Variants in CD247 observed in about 807,000 individuals in gnomAD.
The protein encoded by CD247 is T-cell surface glycoprotein CD3 zeta chain.
In CD247, 13 loss-of-function variants were observed where a neutral mutation model predicts 30.0. That is an observed-to-expected ratio of 0.43 (90% CI 0.28 to 0.69). The LOEUF (loss-of-function observed/expected upper bound fraction) is 0.69. Among genes scored for constraint, CD247 ranks in the 30% least tolerant of loss-of-function variants. The probability of loss-of-function intolerance (pLI) is 0.16; values close to 1 mark genes in which losing one functional copy is unlikely to be tolerated. For synonymous variants in CD247, 72 were observed against 80.0 expected (o/e 0.90, Z 0.53); for missense variants, 193 against 212.6 (o/e 0.91, Z 0.57).
At chr1:167,482,366 G>C (rs997031783) in intron 1 of CD247, among the ~76,000 whole-genome samples, 1 of 152,240 alleles carries the variant, frequency 6.6e-6, no homozygotes, top group Non-Finnish European at 1.5e-5. Context: ...CAGCCAAGAG[G>C]CTGCTTGAGA....
chr1:167,482,958 A>T (rs1049221311), intron 1 of CD247, among the ~76,000 whole-genome samples: 6 of 146,498 alleles, frequency 4.1e-5, no homozygotes, highest in Non-Finnish European at 6.0e-5. Flanking sequence ...TGATCCAGTA[A>T]CCACACAAAC....
chr1:167,431,858 C>T (rs1322462951), intron 7 of CD247, 112 bp from the exon 8 acceptor site: 1 of 909,284 alleles, frequency 1.1e-6, no homozygotes, highest in African/African-American at 1.6e-5. Flanking sequence ...ACCACCCACC[C>T]AGCCTCCAGA....
intron 6 of CD247, among the ~76,000 whole-genome samples, 179 bp downstream of exon 6, chr1:167,433,841 T>C (rs1651396365): frequency 6.6e-6 from 1 of 152,158 alleles, no homozygotes; most frequent in Admixed American, 6.5e-5. Context: ...CATCAGCCCT[T>C]CCTTAGTTTC....
At chr1:167,455,332 A>G (rs1444220088) in intron 1 of CD247, among the ~76,000 whole-genome samples, 1 of 152,180 alleles carries the variant, frequency 6.6e-6, no homozygotes, top group Non-Finnish European at 1.5e-5. Flanking sequence ...CGCCGGGTGC[A>G]CTGCGGGCTG....
chr1:167,445,642 A>C (rs1172503710), intron 1 of CD247, among the ~76,000 whole-genome samples: 2 of 152,110 alleles, frequency 1.3e-5, no homozygotes, highest in African/African-American at 4.8e-5. Flanking sequence ...AGACGCACCT[A>C]TCCTTACAGA....
rs1033227771 is a variant in CD247, at chr1:167,431,284, C to G, written c.*397G>C. On this transcript the variant is annotated 3_prime_UTR_variant, in exon 8 of 8. Coordinates refer to ENST00000362089, the MANE Select transcript of CD247 (RefSeq NM_198053.3). ...AATTTACAGCAGGAGTGAAGCCACT[C>G]AGACACAGAGTGATACAGACATTAG... 7.3e-5 allele frequency: 39 copies of G among 533,520 alleles called. No individual in the cohort carries two copies. In the East Asian group the frequency reaches 1.1e-3, roughly 15 times the overall value. The allele number at this position is 533,520 out of a possible 1,614,324, so 33.0% of individuals were successfully genotyped here.
At chr1:167,463,100 T>C (rs2102033947) in intron 1 of CD247, among the ~76,000 whole-genome samples, 1 of 152,286 alleles carries the variant, frequency 6.6e-6, no homozygotes, top group South Asian at 2.1e-4. Flanking sequence ...CCAGGAACCC[T>C]TCCTGGGTTC....
intron 1 of CD247, among the ~76,000 whole-genome samples, chr1:167,500,517 A>G (rs943043469): frequency 6.6e-6 from 1 of 152,210 alleles, no homozygotes; most frequent in Non-Finnish European, 1.5e-5. Flanking sequence ...TGTGTTGTTT[A>G]TTAGCTTTTA....
At chr1:167,431,942 G>T (rs1651291198) in intron 7 of CD247, among the ~76,000 whole-genome samples, 196 bp from the exon 8 acceptor site, 1 of 152,194 alleles carries the variant, frequency 6.6e-6, no homozygotes, top group South Asian at 2.1e-4. Flanking sequence ...GATGGGTGCT[G>T]TGCCCTGCCG....
Position 167,447,117 on chromosome 1 carries a change from T to G in CD247, c.59-6350A>C, listed in dbSNP as rs181883711. On this transcript the variant is annotated intron_variant, in intron 1 of 7. Transcript: ENST00000362089. Reference sequence around the variant, plus strand: ...AAATGATAATGATGTAACACATGCATGAAGCATACAGTTTAGAGAGCTCTT... The same window carrying G: ...AAATGATAATGATGTAACACATGCAGGAAGCATACAGTTTAGAGAGCTCTT... 3.4e-3 allele frequency among the ~76,000 whole-genome samples: 514 copies of G among 152,364 alleles called. 3 individuals carry two copies. The highest frequency in any genetic ancestry group is 0.011 in the African/African-American group (445 of 41,588).
intron 1 of CD247, among the ~76,000 whole-genome samples, chr1:167,455,483 G>A (rs543559207): frequency 6.6e-6 from 1 of 152,328 alleles, no homozygotes; most frequent in South Asian, 2.1e-4. Flanking sequence ...TCCTCACCAT[G>A]CAGCCAAGGT....
At chr1:167,472,841 G>A (rs1185157067) in intron 1 of CD247, among the ~76,000 whole-genome samples, 7 of 152,102 alleles carry the variant, frequency 4.6e-5, no homozygotes, top group African/African-American at 9.7e-5. Flanking sequence ...GGGCCTGTTC[G>A]GCTTGGTGTC....
At chr1:167,449,149 C>CTTTTTTTTTTTTCTTTTTTTTTTTTTT (rs755463661) in intron 1 of CD247, among the ~76,000 whole-genome samples, 11 of 66,410 alleles carry the variant, frequency 1.7e-4, no homozygotes, top group East Asian at 7.0e-4. Flanking sequence ...TTTTTCTTTT[C>CTTTTTTTTTTTTCTTTTTTTTTTTTTT]TTTTTTTTTT....
chr1:167,444,902 T>C (rs1651997698), intron 1 of CD247, among the ~76,000 whole-genome samples: 1 of 152,060 alleles, frequency 6.6e-6, no homozygotes, highest in South Asian at 2.1e-4. Context: ...CCTGTCTCAT[T>C]AGATGGTGGT....
At chr1:167,507,737 G>A (rs1400041160) in intron 1 of CD247, among the ~76,000 whole-genome samples, 1 of 151,970 alleles carries the variant, frequency 6.6e-6, no homozygotes, top group Non-Finnish European at 1.5e-5. Context: ...TCAGGAGGCT[G>A]AAGTGGTAGG....
At chr1:167,489,434 C>A (rs965996684) in intron 1 of CD247, among the ~76,000 whole-genome samples, 1 of 152,168 alleles carries the variant, frequency 6.6e-6, no homozygotes, top group East Asian at 1.9e-4. Context: ...GCAGCAATGC[C>A]CTATTTAGTG....
At chr1:167,439,052 C>T (rs557227067) in intron 3 of CD247, among the ~76,000 whole-genome samples, 1 of 152,178 alleles carries the variant, frequency 6.6e-6, no homozygotes, top group Admixed American at 6.5e-5. Flanking sequence ...CCCCCTCTAG[C>T]CTTTGCAAAT....
chr1:167,491,866 C>T (rs188982770), intron 1 of CD247, among the ~76,000 whole-genome samples: 93 of 152,254 alleles, frequency 6.1e-4, no homozygotes, highest in Non-Finnish European at 1.2e-3. Flanking sequence ...ATAAGCCAGA[C>T]ACAGAAAGAC....
chr1:167,482,914 C>T (rs1221021257), intron 1 of CD247, among the ~76,000 whole-genome samples: 3 of 152,218 alleles, frequency 2.0e-5, no homozygotes, highest in Middle Eastern at 3.4e-3. Flanking sequence ...CCTTGTTTGG[C>T]TCATGGTTTT....
Sources: gnomAD v4.1 joint callset for allele counts (sites outside exome capture counted in the v4.1 genomes callset) on GRCh38, gnomAD v4.1.1 for gene constraint, MANE v1.5 for transcripts, NCBI Gene and HGNC (gene_info 2026-07-23, HGNC 2026-07-21) for gene names.